Variants in DNAH3 observed in about 807,000 individuals in gnomAD.
DNAH3 encodes the protein dynein axonemal heavy chain 3.
A neutral mutation model predicts 432.5 loss-of-function variants in DNAH3; 332 were observed. That is an observed-to-expected ratio of 0.77 (90% CI 0.70 to 0.84). The LOEUF (loss-of-function observed/expected upper bound fraction) is 0.84, where lower values mean the gene tolerates loss of function less well. DNAH3 is among the 40% of genes least tolerant of loss of function. The probability of loss-of-function intolerance (pLI) is 0.00; values close to 1 mark genes in which losing one functional copy is unlikely to be tolerated. For missense variants in DNAH3, 4,861 were observed against 5,114.0 expected (o/e 0.95, Z 1.51); for synonymous variants, 1,956 against 1,900.2 (o/e 1.03, Z -0.76).
chr16:21,012,038 C>T (rs2087627688), intron 41 of DNAH3, among the ~76,000 whole-genome samples: 1 of 152,174 alleles, frequency 6.6e-6, no homozygotes, highest in South Asian at 2.1e-4. Context: ...AGGATCCGAA[C>T]TCTGACAATT....
At chr16:21,147,183 G>A (rs2092796332) in intron 1 of DNAH3, among the ~76,000 whole-genome samples, 1 of 151,414 alleles carries the variant, frequency 6.6e-6, no homozygotes, top group African/African-American at 2.4e-5. Flanking sequence ...CTACCCTCAG[G>A]TATGATTAAA....
chr16:21,035,159 T>C (rs2089101250), intron 35 of DNAH3, among the ~76,000 whole-genome samples: 1 of 152,110 alleles, frequency 6.6e-6, no homozygotes, highest in Admixed American at 6.5e-5. Context: ...AAATCCCATG[T>C]CTACTAAAAA....
intron 1 of DNAH3, among the ~76,000 whole-genome samples, chr16:21,148,472 C>G (rs1432141972): frequency 1.3e-5 from 2 of 150,472 alleles, no homozygotes; most frequent in African/African-American, 2.5e-5. Context: ...AGTTTTCGCT[C>G]TGTCGCCCAG....
At chr16:21,127,967 G>A (rs988225495) in intron 7 of DNAH3, among the ~76,000 whole-genome samples, 155 bp from the exon 9 acceptor site, 3 of 152,132 alleles carry the variant, frequency 2.0e-5, no homozygotes, top group African/African-American at 7.2e-5. Context: ...AGGAGGATAT[G>A]GGAGGCTGAG....
chr16:21,125,773 A>G lies in DNAH3; in HGVS notation c.1209-403T>C, dbSNP rs1011764717. On this transcript the variant is annotated intron_variant, in intron 8 of 61. Coordinates refer to ENST00000261383, the Ensembl canonical transcript of DNAH3. Reference sequence around the variant, plus strand: ...TCATAGGGGGAAAGAGAGAATGAGGAGCAAAGAAAGAAAACATGAAAGGAG... The same window carrying G: ...TCATAGGGGGAAAGAGAGAATGAGGGGCAAAGAAAGAAAACATGAAAGGAG... Among the ~76,000 whole-genome samples, 4 of 152,174 alleles carry G rather than the reference A, an allele frequency of 2.6e-5. No homozygotes were observed. In the East Asian group the frequency reaches 5.8e-4, roughly 22 times the overall value.
intron 54 of DNAH3, among the ~76,000 whole-genome samples, chr16:20,955,317 C>CTT (rs2084512777): frequency 6.6e-6 from 1 of 152,100 alleles, no homozygotes; most frequent in South Asian, 2.1e-4. Context: ...GCCTCACAGC[C>CTT]ACCTGATGAG....
chr16:20,948,427 T>C (rs1246533151), intron 57 of DNAH3, 56 bp downstream of exon 57: 28 of 1,570,528 alleles, frequency 1.8e-5, no homozygotes, highest in Non-Finnish European at 2.2e-5. Flanking sequence ...TGTAGCCATA[T>C]AGAGATGACG....
At chr16:21,098,481 A>C in intron 17 of DNAH3, 135 bp downstream of exon 17, 3 of 854,042 alleles carry the variant, frequency 3.5e-6, no homozygotes, top group Non-Finnish European at 5.1e-6. Context: ...GAAAGTACCA[A>C]TGAAAGAACT....
intron 18 of DNAH3, among the ~76,000 whole-genome samples, chr16:21,090,386 AC>A (rs1260409793): frequency 1.4e-5 from 2 of 139,692 alleles, no homozygotes; most frequent in African/African-American, 6.5e-5. Context: ...AAAAAAAAAA[AC>A]CCTACAGACC....
chr16:21,002,373 T>C (rs1458908289), intron 42 of DNAH3, among the ~76,000 whole-genome samples: 1 of 148,150 alleles, frequency 6.7e-6, no homozygotes, highest in Non-Finnish European at 1.5e-5. Flanking sequence ...CAAGAAAATC[T>C]TTCTCTGAGG....
chr16:20,992,919 G>A (rs975295518), intron 44 of DNAH3, among the ~76,000 whole-genome samples: 2 of 152,088 alleles, frequency 1.3e-5, no homozygotes, highest in East Asian at 1.9e-4. Context: ...AGGCTGGAGC[G>A]TAGTGGTGTG....
chr16:21,043,477 G>A, intron 31 of DNAH3, among the ~76,000 whole-genome samples: 2 of 107,452 alleles, frequency 1.9e-5, no homozygotes, highest in Admixed American at 1.0e-4. Flanking sequence ...CTTCTTTTGA[G>A]AAGTGTCTGT....
At chr16:21,080,673 G>A (rs1248796693) in intron 20 of DNAH3, among the ~76,000 whole-genome samples, 1 of 152,252 alleles carries the variant, frequency 6.6e-6, no homozygotes, top group Non-Finnish European at 1.5e-5. Context: ...GCCTGAAAAC[G>A]TGCATTCTAG....
chr16:20,936,603 C>T lies in DNAH3; in HGVS notation c.11859+46G>A, dbSNP rs1466888170. 3.9e-6 allele frequency: 6 copies of T among 1,531,206 alleles called. No homozygotes were observed. In the African/African-American group the frequency reaches 8.2e-5, roughly 21 times the overall value. 94.9% of individuals were successfully genotyped at this position (1,531,206 alleles called of 1,614,324 possible). ...TGCCATTTCAGAATGTCCTCTCCAC[C>T]TAAGCAAGCATGCCAGGTTCCCGGT... On this transcript the variant is annotated intron_variant, in intron 60 of 61. Coordinates refer to ENST00000261383, the Ensembl canonical transcript of DNAH3.
intron 42 of DNAH3, among the ~76,000 whole-genome samples, chr16:21,001,669 T>C (rs1344866782): frequency 6.6e-6 from 1 of 152,174 alleles, no homozygotes; most frequent in African/African-American, 2.4e-5. Flanking sequence ...CCCCCTACAG[T>C]CTTCCCAGTA....
At chr16:20,963,221 C>T in intron 53 of DNAH3, 63 bp downstream of exon 53, 1 of 1,484,046 alleles carries the variant, frequency 6.7e-7, no homozygotes. Context: ...AAGGGACGGG[C>T]TACTGATATC....
intron 16 of DNAH3, among the ~76,000 whole-genome samples, chr16:21,099,273 G>A (rs2091774368): frequency 6.9e-6 from 1 of 145,814 alleles, no homozygotes; most frequent in Non-Finnish European, 1.5e-5. Context: ...TGGATGGATG[G>A]ACAGATGGAT....
chr16:21,111,890 C>G (rs2092082952), intron 13 of DNAH3, 86 bp from the exon 14 acceptor site: 1 of 1,564,522 alleles, frequency 6.4e-7, no homozygotes. Context: ...CAACCCTAGT[C>G]CAATGCTGAG....
chr16:20,994,126 C>G (rs1051826801), intron 44 of DNAH3, among the ~76,000 whole-genome samples: 1 of 151,910 alleles, frequency 6.6e-6, no homozygotes, highest in African/African-American at 2.4e-5. Flanking sequence ...TAATCCTTTT[C>G]TTCATTTCTT....
Sources: gnomAD v4.1 joint callset for allele counts (sites outside exome capture counted in the v4.1 genomes callset) on GRCh38, gnomAD v4.1.1 for gene constraint, MANE v1.5 for transcripts, NCBI Gene and HGNC (gene_info 2026-07-23, HGNC 2026-07-21) for gene names.